The following VPS8 variants were observed in gnomAD, a reference collection of about 807,000 sequenced individuals.
VPS8 encodes the protein VPS8 subunit of CORVET complex, also known as vacuolar protein sorting-associated protein 8 homolog.
A neutral mutation model predicts 216.4 loss-of-function variants in VPS8; 129 were observed. That is an observed-to-expected ratio of 0.60 (90% CI 0.52 to 0.69). The LOEUF (loss-of-function observed/expected upper bound fraction) is 0.69. VPS8 is among the 30% of genes least tolerant of loss of function. The pLI is 0.00. For synonymous variants in VPS8, 571 were observed against 565.4 expected (o/e 1.01, Z -0.14); for missense variants, 1,531 against 1,683.5 (o/e 0.91, Z 1.59).
intron 21 of VPS8, among the ~76,000 whole-genome samples, chr3:184,883,647 A>G (rs998224317): frequency 1.3e-5 from 2 of 152,204 alleles, no homozygotes; most frequent in South Asian, 4.2e-4. Flanking sequence ...TGATGACTGT[A>G]ATAGCCTTGG....
At position 184,952,769 on chromosome 3, in the gene VPS8, G is replaced by A. The variant is rs1744936624; in HGVS notation, c.3036-4605G>A. On this transcript the variant is annotated intron_variant, in intron 36 of 47. Transcript: ENST00000625842. ...TGTCAAAAGGTGAAGCAGATGACAC[G>A]AAAACCCTCACTGCATGTCCTCTGC... 2.0e-5 allele frequency among the ~76,000 whole-genome samples: 3 copies of A among 152,174 alleles called. 1 individual carries two copies. In the South Asian group the frequency reaches 6.2e-4, roughly 32 times the overall value.
intron 1 of VPS8, among the ~76,000 whole-genome samples, chr3:184,816,814 G>A (rs1309379800): frequency 6.6e-6 from 1 of 152,156 alleles, no homozygotes; most frequent in Non-Finnish European, 1.5e-5. Context: ...TGAGAACTGA[G>A]ACATAGAACA....
intron 46 of VPS8, among the ~76,000 whole-genome samples, chr3:185,045,406 C>G (rs1422687231): frequency 6.6e-6 from 1 of 152,154 alleles, no homozygotes; most frequent in South Asian, 2.1e-4. Flanking sequence ...CATCCCTGTT[C>G]TTGAGAACTT....
At chr3:184,933,271 C>T (rs189575105) in intron 34 of VPS8, among the ~76,000 whole-genome samples, 110 of 152,184 alleles carry the variant, frequency 7.2e-4, no homozygotes, top group African/African-American at 2.6e-3. Flanking sequence ...TGTAATGATA[C>T]CTAATTATGT....
chr3:184,814,113 T>A (rs1175695952), intron 1 of VPS8, among the ~76,000 whole-genome samples: 1 of 152,278 alleles, frequency 6.6e-6, no homozygotes, highest in Non-Finnish European at 1.5e-5. Context: ...TTAGGTTTAC[T>A]GTAATAGCAA....
At chr3:185,033,437 G>A (rs1310090566) in intron 46 of VPS8, among the ~76,000 whole-genome samples, 2 of 152,158 alleles carry the variant, frequency 1.3e-5, no homozygotes, top group Admixed American at 1.3e-4. Context: ...GGGTTCCTTG[G>A]TGTCTGCATG....
At chr3:184,859,511 T>A (rs1725882257) in intron 14 of VPS8, among the ~76,000 whole-genome samples, 1 of 152,202 alleles carries the variant, frequency 6.6e-6, no homozygotes, top group Non-Finnish European at 1.5e-5. Flanking sequence ...ATTTTTGAGA[T>A]CCATGCATAG....
intron 20 of VPS8, 111 bp from the exon 21 acceptor site, chr3:184,870,605 G>T (rs1476663943): frequency 9.0e-6 from 8 of 891,326 alleles, no homozygotes; most frequent in Admixed American, 5.8e-5. Flanking sequence ...AAAATTTTCA[G>T]TTAAATTTTA....
intron 45 of VPS8, among the ~76,000 whole-genome samples, chr3:185,013,960 G>A (rs555585726): frequency 1.3e-5 from 2 of 152,204 alleles, no homozygotes; most frequent in African/African-American, 4.8e-5. Flanking sequence ...TTTTCTAACT[G>A]GGACCAGTCC....
intron 45 of VPS8, among the ~76,000 whole-genome samples, chr3:185,020,899 C>T (rs2110059829): frequency 6.6e-6 from 1 of 152,182 alleles, no homozygotes; most frequent in Non-Finnish European, 1.5e-5. Flanking sequence ...TGGTGAAACC[C>T]CGTCTCTACT....
At chr3:185,038,408 A>G (rs549689961) in intron 46 of VPS8, among the ~76,000 whole-genome samples, 1 of 152,346 alleles carries the variant, frequency 6.6e-6, no homozygotes, top group South Asian at 2.1e-4. Flanking sequence ...CTTTTAAGTA[A>G]TAGTTTCTGG....
In VPS8 at chr3:184,880,857, G is replaced by A. The variant is rs115848975; in HGVS notation, c.1735-5253G>A. On this transcript the variant is annotated intron_variant, in intron 21 of 47. Transcript: ENST00000625842. ...TCACTGTTTTATTTTAGCTATTCTG[G>A]TAGGTGCATAATGGTATCTCATTGT... 4.4e-3 allele frequency among the ~76,000 whole-genome samples: 670 copies of A among 152,188 alleles called. 7 individuals carry two copies. Among genetic ancestry groups the A allele is most frequent in the African/African-American group, 0.015 (628 of 41,532 alleles).
At chr3:184,871,303 T>TAG (rs10687421) in intron 21 of VPS8, among the ~76,000 whole-genome samples, 75,046 of 151,536 alleles carry the variant, frequency 0.5, 20,302 homozygotes, top group African/African-American at 0.71. Context: ...AAGAACAATG[T>TAG]AGACGTGTAT....
chr3:184,949,788 G>A (rs6804449), intron 36 of VPS8, among the ~76,000 whole-genome samples: 10,122 of 152,050 alleles, frequency 0.067, 460 homozygotes, highest in Non-Finnish European at 0.093. Context: ...ATTACATTTG[G>A]CATTTTTAAC....
At chr3:184,986,906 A>C (rs1055936579) in intron 42 of VPS8, among the ~76,000 whole-genome samples, 1 of 152,138 alleles carries the variant, frequency 6.6e-6, no homozygotes, top group Non-Finnish European at 1.5e-5. Flanking sequence ...ATTTGTTACA[A>C]TTGGTGAATT....
At chr3:184,814,786 C>T (rs1715945412) in intron 1 of VPS8, among the ~76,000 whole-genome samples, 1 of 152,056 alleles carries the variant, frequency 6.6e-6, no homozygotes, top group Admixed American at 6.5e-5. Flanking sequence ...TTAGGCTACA[C>T]TGAATTTATT....
intron 38 of VPS8, 73 bp downstream of exon 38, chr3:184,964,630 A>G (rs1747086199): frequency 6.9e-6 from 7 of 1,018,188 alleles, no homozygotes; most frequent in South Asian, 2.4e-5. Context: ...CATCTTAATT[A>G]TGTTTCAAAG....
chr3:184,826,537 T>G (rs1332363275), intron 3 of VPS8, among the ~76,000 whole-genome samples: 2 of 152,372 alleles, frequency 1.3e-5, no homozygotes, highest in Admixed American at 1.3e-4. Context: ...TAGTCTAGAT[T>G]GTGAGCTTCT....
At chr3:185,043,710 C>T (rs774804802) in intron 46 of VPS8, among the ~76,000 whole-genome samples, 13 of 152,184 alleles carry the variant, frequency 8.5e-5, no homozygotes, top group South Asian at 2.1e-4. Flanking sequence ...GCTGCTCTCT[C>T]GTTCTCTCTC....
Sources: allele counts gnomAD v4.1 joint callset (sites outside exome capture counted in the v4.1 genomes callset), GRCh38; gene constraint gnomAD v4.1.1; transcripts MANE v1.5; gene names NCBI Gene and HGNC (gene_info 2026-07-23, HGNC 2026-07-21).